CDK5RAP2: variants seen among roughly 807,000 people sequenced by gnomAD.
CDK5RAP2 encodes CDK5 regulatory subunit associated protein 2.
A neutral mutation model predicts 232.9 loss-of-function variants in CDK5RAP2; 147 were observed. The ratio of observed to expected loss-of-function variants is 0.63; its 90% CI spans 0.55 to 0.72. CDK5RAP2 has a LOEUF of 0.72. CDK5RAP2 is among the 30% of genes least tolerant of loss of function. CDK5RAP2 has a pLI of 0.00. For missense variants in CDK5RAP2, 2,195 were observed against 2,231.5 expected, an observed-to-expected ratio of 0.98 and a Z score of 0.33; for synonymous variants, 833 against 833.7, an observed-to-expected ratio of 1.00 and a Z score of 0.01.
chr9:120,403,902 C>T lies in CDK5RAP2; in HGVS notation c.5041+134G>A. The T allele has an allele frequency of 1.4e-6, 1 of 708,494 alleles. No individual in the cohort carries two copies. Among genetic ancestry groups the T allele is most frequent in the South Asian group, 1.5e-5 (1 of 66,452 alleles). The allele number at this position is 708,494 out of a possible 1,614,324, so 43.9% of individuals were successfully genotyped here. A position where few individuals can be genotyped will look rare whatever the true frequency, so the allele number is the denominator to read the frequency against. ...AGGAGAAGATCACCAGCTGGGGATG[C>T]TGAGAACTTGAAATCCCAAATCCTT... On this transcript the variant is annotated intron_variant, in intron 33 of 37. Transcript: ENST00000349780. This position sits in a 1 kb window ranked among gnomAD's most constrained non-coding sequence, Gnocchi z 4.2.
intron 12 of CDK5RAP2, among the ~76,000 whole-genome samples, chr9:120,515,070 G>A (rs2040269721): frequency 6.6e-6 from 1 of 152,052 alleles, no homozygotes; most frequent in South Asian, 2.1e-4. Flanking sequence ...CAGAGAGAGA[G>A]AGAGAGAGAC....
At chr9:120,449,846 G>A (rs2036390706) in intron 21 of CDK5RAP2, among the ~76,000 whole-genome samples, 1 of 152,126 alleles carries the variant, frequency 6.6e-6, no homozygotes, top group Non-Finnish European at 1.5e-5. Context: ...TATTAGAATG[G>A]CTATAATCAA....
chr9:120,412,498 G>A (rs897681921), intron 28 of CDK5RAP2, among the ~76,000 whole-genome samples: 15 of 152,326 alleles, frequency 9.8e-5, no homozygotes, highest in Admixed American at 8.5e-4. Context: ...AAAGAGGACA[G>A]GAAAAAGCCC....
chr9:120,488,414 G>A (rs536450027), intron 13 of CDK5RAP2, among the ~76,000 whole-genome samples: 1 of 152,232 alleles, frequency 6.6e-6, no homozygotes, highest in East Asian at 1.9e-4. Context: ...TCCAATTATA[G>A]ATATACATAG....
chr9:120,565,096 G>C (rs1588668002), intron 3 of CDK5RAP2, among the ~76,000 whole-genome samples: 4 of 152,312 alleles, frequency 2.6e-5, no homozygotes, highest in Admixed American at 2.0e-4. Context: ...TCACATGCCA[G>C]AGTGAGTACT....
chr9:120,496,932 G>A (rs1312103378), intron 12 of CDK5RAP2, among the ~76,000 whole-genome samples: 4 of 140,454 alleles, frequency 2.8e-5, no homozygotes, highest in Admixed American at 6.8e-5. Context: ...CATTGAGAAC[G>A]GGCCAGGATG....
At chr9:120,579,897 G>T (rs2043179026) in intron 1 of CDK5RAP2, 23 bp downstream of exon 1, 4 of 1,603,190 alleles carry the variant, frequency 2.5e-6, no homozygotes, top group Middle Eastern at 1.6e-4. Context: ...CGGTTACCAC[G>T]ACCACCAATG....
intron 15 of CDK5RAP2, among the ~76,000 whole-genome samples, chr9:120,476,707 T>A (rs906858653): frequency 1.9e-4 from 28 of 149,854 alleles, no homozygotes; most frequent in Admixed American, 1.7e-3. Flanking sequence ...GACTTCTCAA[T>A]TCTGAGAAGT....
At chr9:120,443,841 TA>T in intron 22 of CDK5RAP2, 99 bp from the exon 23 acceptor site, 1 of 1,522,802 alleles carries the variant, frequency 6.6e-7, no homozygotes, top group Non-Finnish European at 9.0e-7. Flanking sequence ...ACAGGGAAAA[TA>T]AAAACACTGG....
At chr9:120,417,099 C>A (rs1328926955) in intron 27 of CDK5RAP2, among the ~76,000 whole-genome samples, 4 of 149,982 alleles carry the variant, frequency 2.7e-5, no homozygotes, top group Non-Finnish European at 4.4e-5. Flanking sequence ...TCCTTAAACT[C>A]CTGGCACCCA....
intron 25 of CDK5RAP2, among the ~76,000 whole-genome samples, chr9:120,429,516 C>T (rs2035141660): frequency 6.6e-6 from 1 of 152,140 alleles, no homozygotes; most frequent in Non-Finnish European, 1.5e-5. Flanking sequence ...ACAACTGCTT[C>T]AAAGAGAATA....
chr9:120,543,345 T>C (rs1386230945), intron 5 of CDK5RAP2, among the ~76,000 whole-genome samples: 1 of 152,214 alleles, frequency 6.6e-6, no homozygotes, highest in Non-Finnish European at 1.5e-5. Context: ...TTGTGTCACT[T>C]GCTTAAAACC....
chr9:120,560,774 G>C (rs1425372394), intron 3 of CDK5RAP2, among the ~76,000 whole-genome samples: 1 of 152,020 alleles, frequency 6.6e-6, no homozygotes, highest in Non-Finnish European at 1.5e-5. Flanking sequence ...ATGCCACCAT[G>C]CCCAGCTAAT....
In CDK5RAP2 at chr9:120,419,894, A is replaced by G; in HGVS notation, c.4071T>C (p.His1357=). ...CAGATGTTTCATAATCAGAGAGCGC[A>G]TGAGAGGCTGAAGGCTCAGGAGATT... ...LPESPEPSAS[H]ALSDYETSEK... Residue 1357 remains histidine (H), a synonymous_variant, in exon 27 of 38, where the codon CAT becomes CAC. Coordinates refer to ENST00000349780, the MANE Select transcript of CDK5RAP2 (RefSeq NM_018249.6). 1 of 1,613,880 alleles carries G rather than the reference A, an allele frequency of 6.2e-7. No homozygotes were observed. Among genetic ancestry groups the G allele is most frequent in the Non-Finnish European group, 8.5e-7 (1 of 1,179,738 alleles).
At position 120,400,770 on chromosome 9, in the gene CDK5RAP2, T is replaced by C; in HGVS notation, c.5423A>G (p.Asp1808Gly). ...CTCACAGTGAAGGGGGCACTGGCCA[T>C]CCTCGGGGAGTGAGACTCTCCAGAG... ...KLLWRVSLPE[D>G]GQCPLHCEQI... The change falls in exon 35 of 38, where the codon GAT becomes GGT. Residue 1808 changes from aspartate (D) to glycine (G), a missense_variant. Transcript: ENST00000349780. The C allele has an allele frequency of 6.2e-7, 1 of 1,613,982 alleles. No individual in the cohort carries two copies. Among genetic ancestry groups the C allele is most frequent in the African/African-American group, 1.3e-5 (1 of 75,044 alleles).
At chr9:120,398,429 A>C (rs543704009) in intron 35 of CDK5RAP2, among the ~76,000 whole-genome samples, 2 of 152,234 alleles carry the variant, frequency 1.3e-5, no homozygotes, top group African/African-American at 4.8e-5. Context: ...TGCCCTTAGA[A>C]TACTTCTACT....
chr9:120,439,372 C>T (rs753479548), intron 24 of CDK5RAP2, 27 bp downstream of exon 24: 13 of 1,591,596 alleles, frequency 8.2e-6, no homozygotes, highest in Admixed American at 3.3e-5. Flanking sequence ...CAGGCTTAAA[C>T]GGGGAGACGG....
intron 14 of CDK5RAP2, among the ~76,000 whole-genome samples, chr9:120,479,476 C>G (rs956641865): frequency 1.3e-5 from 2 of 152,184 alleles, no homozygotes; most frequent in Non-Finnish European, 2.9e-5. Flanking sequence ...CAGACACTAT[C>G]TTGATAAAGT....
intron 34 of CDK5RAP2, among the ~76,000 whole-genome samples, 169 bp downstream of exon 34, chr9:120,402,637 A>G (rs1435823725): frequency 1.3e-5 from 2 of 152,092 alleles, no homozygotes; most frequent in African/African-American, 4.8e-5. Flanking sequence ...CACAGCCACC[A>G]CCAATAGTTC....
Sources: gnomAD v4.1 joint callset for allele counts (sites outside exome capture counted in the v4.1 genomes callset) on GRCh38, gnomAD v4.1.1 for gene constraint, Gnocchi (gnomAD v3.1) non-coding constraint, MANE v1.5 for transcripts, NCBI Gene and HGNC (gene_info 2026-07-23, HGNC 2026-07-21) for gene names.